Variants in TEX11 observed in about 807,000 individuals in gnomAD.
TEX11 encodes testis-expressed protein 11.
In TEX11, 7 loss-of-function variants were observed where a neutral mutation model predicts 84.4. The ratio of observed to expected loss-of-function variants is 0.08; its 90% confidence interval spans 0.05 to 0.16. TEX11 has a LOEUF of 0.16. Among genes scored for constraint, TEX11 ranks in the 10% least tolerant of loss-of-function variants. TEX11 has a pLI of 1.00. For missense variants in TEX11, 551 were observed against 660.5 expected, an observed-to-expected ratio of 0.83 and a Z score of 1.82; for synonymous variants, 264 against 222.8, an observed-to-expected ratio of 1.18 and a Z score of -1.64.
At chrX:70,646,493 C>A (rs771203867) in intron 17 of TEX11, among the ~76,000 whole-genome samples, 2 of 111,785 alleles carry the variant, frequency 1.8e-5, no homozygotes, top group South Asian at 3.7e-4. Flanking sequence ...AAGGGGTTAA[C>A]ATCCAAAATA....
intron 21 of TEX11, among the ~76,000 whole-genome samples, chrX:70,609,979 G>A (rs2089239915): frequency 9.1e-6 from 1 of 109,827 alleles, no homozygotes; most frequent in African/African-American, 3.3e-5. Flanking sequence ...TTCAAAATAA[G>A]AGAATATGCA....
In TEX11 at chrX:70,554,807, A is replaced by C. The variant is rs1440506841; in HGVS notation, c.2141-7T>G. The C allele has an allele frequency of 5.9e-6, 7 of 1,195,621 alleles. No homozygotes were observed. The highest frequency in any genetic ancestry group is 3.7e-5 in the South Asian group (2 of 53,648). ...GAATCATTTGAGAAGGTCCCTAAGA[A>C]AGAGGCAAAAATGCAACATTCTTTG... On this transcript the variant is annotated splice_region_variant and splice_polypyrimidine_tract_variant and intron_variant, in intron 25 of 29. Transcript: ENST00000374333.
chrX:70,755,054 C>T (rs1165655918), intron 9 of TEX11, among the ~76,000 whole-genome samples: 1 of 111,871 alleles, frequency 8.9e-6, no homozygotes, highest in East Asian at 2.8e-4. Flanking sequence ...ATACCTAACA[C>T]TAAAATGCCC....
intron 17 of TEX11, 26 bp from the exon 18 acceptor site, chrX:70,629,761 A>T (rs760584226): frequency 9.5e-7 from 1 of 1,053,788 alleles, no homozygotes; most frequent in Non-Finnish European, 1.3e-6. Flanking sequence ...AAAATTCAAA[A>T]ATGATATACT....
chrX:70,712,775 C>T (rs1194849974), intron 13 of TEX11, among the ~76,000 whole-genome samples: 3 of 110,351 alleles, frequency 2.7e-5, no homozygotes. Context: ...AATTGAATAC[C>T]CTTTATTTCC....
intron 24 of TEX11, among the ~76,000 whole-genome samples, chrX:70,596,435 A>G (rs924302101): frequency 2.7e-4 from 30 of 111,964 alleles, no homozygotes; most frequent in Admixed American, 9.5e-5. Context: ...GTCACAAAGT[A>G]TGTACTCTGA....
intron 25 of TEX11, among the ~76,000 whole-genome samples, chrX:70,555,140 T>A (rs1188785753): frequency 8.9e-6 from 1 of 111,967 alleles, no homozygotes; most frequent in Non-Finnish European, 1.9e-5. Flanking sequence ...AGTGTTTACT[T>A]GCTTCTTGTG....
chrX:70,795,412 G>C (rs1292860151), intron 9 of TEX11, among the ~76,000 whole-genome samples: 1 of 111,206 alleles, frequency 9.0e-6, no homozygotes, highest in East Asian at 2.8e-4. Flanking sequence ...GGAACTTGCT[G>C]CCCTGAATTG....
At chrX:70,658,309 C>A (rs1299021820) in intron 16 of TEX11, among the ~76,000 whole-genome samples, 1 of 110,503 alleles carries the variant, frequency 9.0e-6, no homozygotes, top group African/African-American at 3.3e-5. Flanking sequence ...CCCAGCTACT[C>A]GGGAGGCTGA....
At chrX:70,720,387 T>G (rs2090548341) in intron 13 of TEX11, among the ~76,000 whole-genome samples, 1 of 108,767 alleles carries the variant, frequency 9.2e-6, no homozygotes, top group African/African-American at 3.4e-5. Context: ...GAGAAGGGGG[T>G]AGGGATAGCA....
chrX:70,809,697 T>C (rs2091240598), intron 8 of TEX11, among the ~76,000 whole-genome samples: 1 of 110,133 alleles, frequency 9.1e-6, no homozygotes, highest in African/African-American at 3.3e-5. Context: ...TTTTTCGGGG[T>C]TAGTTTTGTT....
intron 9 of TEX11, among the ~76,000 whole-genome samples, chrX:70,775,816 A>G (rs1223766612): frequency 9.4e-6 from 1 of 106,488 alleles, no homozygotes; most frequent in Non-Finnish European, 1.9e-5. Context: ...AAAAAGGCAT[A>G]CAAATGGCCA....
chrX:70,841,767 A>C, intron 7 of TEX11, among the ~76,000 whole-genome samples: 1 of 111,696 alleles, frequency 9.0e-6, no homozygotes, highest in East Asian at 2.8e-4. Context: ...GAGAAGAATC[A>C]ATTAGACGCA....
At chrX:70,619,263 A>C (rs1039654273) in intron 20 of TEX11, among the ~76,000 whole-genome samples, 1 of 111,762 alleles carries the variant, frequency 8.9e-6, no homozygotes, top group African/African-American at 3.3e-5. Context: ...AGAATTCCTA[A>C]GGGCCTCTTG....
At chrX:70,700,854 T>C (rs1007672605) in intron 13 of TEX11, among the ~76,000 whole-genome samples, 4 of 112,132 alleles carry the variant, frequency 3.6e-5, no homozygotes, top group African/African-American at 1.3e-4. Flanking sequence ...AACAGCCTTA[T>C]TGCTAATATG....
chrX:70,826,060 T>C (rs1419984593), intron 8 of TEX11, among the ~76,000 whole-genome samples: 1 of 110,681 alleles, frequency 9.0e-6, no homozygotes, highest in Non-Finnish European at 1.9e-5. Flanking sequence ...TTCCAGCACT[T>C]TGGGAGGCCA....
chrX:70,641,069 G>A (rs1052320068), intron 17 of TEX11, among the ~76,000 whole-genome samples: 3 of 110,910 alleles, frequency 2.7e-5, no homozygotes, highest in African/African-American at 9.8e-5. Flanking sequence ...AAGGATGGAG[G>A]AAGATCTACC....
At position 70,747,218 on chromosome X, in the gene TEX11, G is replaced by A. The variant is rs561223223; in HGVS notation, c.693-2999C>T. 8.0e-5 allele frequency among the ~76,000 whole-genome samples: 9 copies of A among 112,035 alleles called. No homozygotes were observed. The South Asian group carries it at 2.6e-3, about 33-fold the overall frequency. On this transcript the variant is annotated intron_variant, in intron 9 of 29. Transcript: ENST00000374333. ...TCTAAACAAACATACATCCAGGAAA[G>A]GATGAAAAAATCTAACTGGCTAAGT...
At chrX:70,775,782 A>G (rs1272569423) in intron 9 of TEX11, among the ~76,000 whole-genome samples, 1 of 58,594 alleles carries the variant, frequency 1.7e-5, no homozygotes, top group African/African-American at 6.3e-5. Context: ...CCTGGGTGAC[A>G]GAGCGAGACT....
Sources: allele counts gnomAD v4.1 joint callset (sites outside exome capture counted in the v4.1 genomes callset), GRCh38; gene constraint gnomAD v4.1.1; transcripts MANE v1.5; gene names NCBI Gene and HGNC (gene_info 2026-07-23, HGNC 2026-07-21).